Variants in PTPRM observed in about 807,000 individuals in gnomAD.
PTPRM encodes receptor-type tyrosine-protein phosphatase mu.
PTPRM carries 47 observed loss-of-function variants against 186.7 expected under a neutral mutation model. The ratio of observed to expected loss-of-function variants is 0.25; its 90% CI spans 0.20 to 0.32. The LOEUF (loss-of-function observed/expected upper bound fraction) is 0.32. Among genes scored for constraint, PTPRM ranks in the 10% least tolerant of loss-of-function variants. The probability of loss-of-function intolerance (pLI) is 1.00; values close to 1 mark genes in which losing one functional copy is unlikely to be tolerated. For synonymous variants in PTPRM, 668 were observed against 674.9 expected (o/e 0.99, Z 0.16); for missense variants, 1,494 against 1,865.0 (o/e 0.80, Z 3.66).
chr18:7,608,912 C>G (rs1437409151), intron 1 of PTPRM, among the ~76,000 whole-genome samples: 1 of 152,102 alleles, frequency 6.6e-6, no homozygotes, highest in Non-Finnish European at 1.5e-5. Flanking sequence ...ATGTAGGAAG[C>G]AAGCAACCCC....
chr18:7,716,309 T>G (rs1598425809), intron 1 of PTPRM, among the ~76,000 whole-genome samples: 1 of 152,166 alleles, frequency 6.6e-6, no homozygotes, highest in East Asian at 1.9e-4. Context: ...GCTAGCCATA[T>G]GTAGAAAACC....
Position 7,696,177 on chromosome 18 carries a change from T to C in PTPRM, c.74-77972T>C, listed in dbSNP as rs2039839714. 2.0e-5 allele frequency among the ~76,000 whole-genome samples: 3 copies of C among 152,202 alleles called. No homozygotes were observed. The South Asian group carries it at 6.2e-4, about 32-fold the overall frequency. On this transcript the variant is annotated intron_variant, in intron 1 of 32. Coordinates refer to ENST00000580170, the MANE Select transcript of PTPRM (RefSeq NM_001105244.2). Reference sequence around the variant, plus strand: ...TGCCTTTTCAGGGTTTTTTCTTCTTTAAATCAAATCATTACAACTTACTAT... The same window carrying C: ...TGCCTTTTCAGGGTTTTTTCTTCTTCAAATCAAATCATTACAACTTACTAT...
At chr18:7,823,200 C>T (rs1419825425) in intron 2 of PTPRM, among the ~76,000 whole-genome samples, 1 of 152,204 alleles carries the variant, frequency 6.6e-6, no homozygotes, top group Non-Finnish European at 1.5e-5. Flanking sequence ...AACTCTCTTC[C>T]CTCCACTCCC....
intron 1 of PTPRM, among the ~76,000 whole-genome samples, chr18:7,709,223 C>T (rs1442677102): frequency 1.3e-5 from 2 of 152,052 alleles, no homozygotes; most frequent in Non-Finnish European, 2.9e-5. Flanking sequence ...TCTCAGACCA[C>T]AGTGGAATAA....
At chr18:7,934,344 A>G (rs1454010655) in intron 5 of PTPRM, among the ~76,000 whole-genome samples, 2 of 152,180 alleles carry the variant, frequency 1.3e-5, no homozygotes, top group Non-Finnish European at 2.9e-5. Context: ...TTTGACATAT[A>G]ATTCCACCAA....
chr18:7,822,635 G>A (rs1052203562), intron 2 of PTPRM, among the ~76,000 whole-genome samples: 9 of 152,146 alleles, frequency 5.9e-5, no homozygotes, highest in African/African-American at 2.2e-4. Flanking sequence ...TTTAAGGCGA[G>A]CCAAGCATTC....
intron 1 of PTPRM, among the ~76,000 whole-genome samples, chr18:7,752,064 G>C (rs1299624471): frequency 6.6e-6 from 1 of 152,160 alleles, no homozygotes; most frequent in East Asian, 1.9e-4. Flanking sequence ...CTGCTGTCTG[G>C]CATTTACCAA....
At chr18:8,277,869 A>G (rs2094854331) in intron 19 of PTPRM, among the ~76,000 whole-genome samples, 1 of 152,230 alleles carries the variant, frequency 6.6e-6, no homozygotes, top group Non-Finnish European at 1.5e-5. Flanking sequence ...AAGACTTGAG[A>G]TAGCCATGAT....
At chr18:8,296,818 C>T (rs1032080904) in intron 20 of PTPRM, among the ~76,000 whole-genome samples, 2 of 152,164 alleles carry the variant, frequency 1.3e-5, no homozygotes, top group South Asian at 2.1e-4. Flanking sequence ...ATGCAAAGAG[C>T]TCAGAGTTCT....
intron 1 of PTPRM, among the ~76,000 whole-genome samples, chr18:7,585,036 C>G (rs548117636): frequency 2.6e-5 from 4 of 152,190 alleles, no homozygotes; most frequent in Admixed American, 2.6e-4. Flanking sequence ...GGAGGTTGCT[C>G]CTTCCCCAGG....
At chr18:8,185,323 A>C (rs977456484) in intron 14 of PTPRM, among the ~76,000 whole-genome samples, 3 of 152,208 alleles carry the variant, frequency 2.0e-5, no homozygotes, top group African/African-American at 7.2e-5. Flanking sequence ...TGCAGGCCAC[A>C]CTTCACCAGG....
intron 1 of PTPRM, among the ~76,000 whole-genome samples, chr18:7,702,649 T>C (rs1170214589): frequency 6.6e-6 from 1 of 152,248 alleles, no homozygotes; most frequent in African/African-American, 2.4e-5. Flanking sequence ...AGGTTGCCTG[T>C]TCACTCTGAT....
chr18:8,323,359 AC>A (rs57719343), intron 22 of PTPRM, among the ~76,000 whole-genome samples: 4 of 151,878 alleles, frequency 2.6e-5, no homozygotes, highest in African/African-American at 9.7e-5. Context: ...CTGCATGCTC[AC>A]CCCCCAAAAC....
intron 13 of PTPRM, among the ~76,000 whole-genome samples, chr18:8,137,529 T>A (rs1021257328): frequency 6.6e-6 from 1 of 152,202 alleles, no homozygotes; most frequent in African/African-American, 2.4e-5. Context: ...CTTCCCTTCT[T>A]CAGTGAGCCT....
At chr18:8,316,771 G>A (rs547711136) in intron 21 of PTPRM, among the ~76,000 whole-genome samples, 11 of 152,270 alleles carry the variant, frequency 7.2e-5, no homozygotes, top group Non-Finnish European at 1.2e-4. Context: ...GACTCGGAGC[G>A]CCAGACCTGG....
intron 23 of PTPRM, among the ~76,000 whole-genome samples, chr18:8,358,249 G>GCGCACACA (rs1555885340): frequency 8.1e-5 from 12 of 147,658 alleles, no homozygotes; most frequent in South Asian, 2.2e-4. Flanking sequence ...CACATGACAC[G>GCGCACACA]CACACACACA....
chr18:7,931,232 A>G (rs932860653), intron 5 of PTPRM, among the ~76,000 whole-genome samples: 1 of 39,748 alleles, frequency 2.5e-5, no homozygotes, highest in African/African-American at 1.8e-4. Context: ...CACCCAAAAT[A>G]TTACTGTAAT....
chr18:8,062,968 AGCTGTGGTGG>A (rs2088691052), intron 7 of PTPRM, among the ~76,000 whole-genome samples: 1 of 148,826 alleles, frequency 6.7e-6, no homozygotes, highest in Non-Finnish European at 1.5e-5. Context: ...GGCCTCCTAG[AGCTGTGGTGG>A]GCTCCACCCA....
At chr18:7,783,877 A>C (rs1275542914) in intron 2 of PTPRM, among the ~76,000 whole-genome samples, 2 of 151,698 alleles carry the variant, frequency 1.3e-5, no homozygotes, top group Admixed American at 6.6e-5. Context: ...AAAGCACTGG[A>C]ATTACAGGTG....
Sources: gnomAD v4.1 joint callset for allele counts (sites outside exome capture counted in the v4.1 genomes callset) on GRCh38, gnomAD v4.1.1 for gene constraint, MANE v1.5 for transcripts, NCBI Gene and HGNC (gene_info 2026-07-23, HGNC 2026-07-21) for gene names.